HSD17B4: variants seen among roughly 807,000 people sequenced by gnomAD.
HSD17B4 encodes hydroxysteroid 17-beta dehydrogenase 4, also known as peroxisomal multifunctional enzyme type 2.
In HSD17B4, 70 loss-of-function variants were observed where a neutral mutation model predicts 101.0. That is an observed-to-expected ratio of 0.69 (90% CI 0.57 to 0.85). The LOEUF (loss-of-function observed/expected upper bound fraction) is 0.85, where lower values mean the gene tolerates loss of function less well. Among genes scored for constraint, HSD17B4 ranks in the 40% least tolerant of loss-of-function variants. The pLI is 0.00. For synonymous variants in HSD17B4, 347 were observed against 297.1 expected (o/e 1.17, Z -1.73); for missense variants, 984 against 892.4 (o/e 1.10, Z -1.31).
intron 16 of HSD17B4, among the ~76,000 whole-genome samples, chr5:119,510,230 T>G (rs1752048166): frequency 6.6e-6 from 1 of 152,196 alleles, no homozygotes; most frequent in South Asian, 2.1e-4. Context: ...GGAATATTTG[T>G]TATTTTCTTG....
intron 17 of HSD17B4, among the ~76,000 whole-genome samples, chr5:119,523,766 C>T (rs1457194148): frequency 2.0e-5 from 3 of 152,084 alleles, no homozygotes; most frequent in Admixed American, 6.6e-5. Flanking sequence ...TATTATTTAT[C>T]AAAGATAATA....
rs147582663 is a variant in HSD17B4, at chr5:119,470,518, C to T, written c.113-3390C>T. ...CAGGTTCCTATACTGAGCTCAGGGT[C>T]TGTGATTACAGGTATTTGTGATGGT... On this transcript the variant is annotated intron_variant, in intron 2 of 23. Coordinates refer to ENST00000510025, the MANE Select transcript of HSD17B4 (RefSeq NM_000414.4). 4.4e-4 allele frequency among the ~76,000 whole-genome samples: 67 copies of T among 152,316 alleles called. 1 individual carries two copies. The highest frequency in any genetic ancestry group is 1.6e-3 in the African/African-American group (65 of 41,578).
chr5:119,536,045 C>T, intron 22 of HSD17B4: 1 of 252,856 alleles, frequency 4.0e-6, no homozygotes, highest in Non-Finnish European at 7.7e-6. Flanking sequence ...TAAAAATCAA[C>T]AGTAAGATGC....
chr5:119,503,464 A>G (rs1426598224), intron 14 of HSD17B4, among the ~76,000 whole-genome samples: 1 of 152,116 alleles, frequency 6.6e-6, no homozygotes, highest in Non-Finnish European at 1.5e-5. Flanking sequence ...TTTACTGTGT[A>G]GTAAATGTGA....
chr5:119,457,879 A>G (rs1014531839), intron 2 of HSD17B4, among the ~76,000 whole-genome samples: 3 of 152,058 alleles, frequency 2.0e-5, no homozygotes, highest in Non-Finnish European at 2.9e-5. Context: ...GGTGTGTTTG[A>G]GATTGGTTGA....
At chr5:119,459,023 T>G (rs906360530) in intron 2 of HSD17B4, among the ~76,000 whole-genome samples, 3 of 152,200 alleles carry the variant, frequency 2.0e-5, no homozygotes, top group African/African-American at 7.2e-5. Flanking sequence ...AGTAACACCT[T>G]TGGGTAAATT....
chr5:119,529,107 C>T (rs1753840724), intron 20 of HSD17B4, among the ~76,000 whole-genome samples: 1 of 151,890 alleles, frequency 6.6e-6, no homozygotes, highest in Non-Finnish European at 1.5e-5. Flanking sequence ...GATCTTTTTT[C>T]CTCCAAAATA....
chr5:119,511,906 A>G (rs1292683942), intron 16 of HSD17B4, among the ~76,000 whole-genome samples: 1 of 152,242 alleles, frequency 6.6e-6, no homozygotes. Context: ...ACAAACAGGC[A>G]ACAGAAACTG....
chr5:119,474,853 ATTAC>A (rs1046979095), intron 4 of HSD17B4, among the ~76,000 whole-genome samples: 2 of 152,144 alleles, frequency 1.3e-5, no homozygotes, highest in Non-Finnish European at 2.9e-5. Context: ...TATCTTGCAA[ATTAC>A]TTAAGATGAT....
chr5:119,542,160 G>A lies in HSD17B4; in HGVS notation c.*166G>A. ...TTTTCATTTTCTACTAATTTTTCAT[G>A]TATCATTATTTTTACAAGGAACTAT... On this transcript the variant is annotated 3_prime_UTR_variant, in exon 24 of 24. Coordinates refer to ENST00000510025, the MANE Select transcript of HSD17B4 (RefSeq NM_000414.4). 1 of 612,296 alleles carries A rather than the reference G, an allele frequency of 1.6e-6. No individual in the cohort carries two copies. Among genetic ancestry groups the A allele is most frequent in the East Asian group, 3.0e-5 (1 of 32,894 alleles). 37.9% of individuals were successfully genotyped at this position (612,296 alleles called of 1,614,324 possible).
intron 2 of HSD17B4, among the ~76,000 whole-genome samples, chr5:119,458,308 A>G (rs1754873902): frequency 6.6e-6 from 1 of 151,060 alleles, no homozygotes; most frequent in African/African-American, 2.4e-5. Flanking sequence ...CATGTACACC[A>G]TAGACACCGT....
intron 8 of HSD17B4, among the ~76,000 whole-genome samples, chr5:119,484,917 A>G (rs974395890): frequency 3.3e-5 from 5 of 152,200 alleles, no homozygotes; most frequent in African/African-American, 1.2e-4. Flanking sequence ...AGTCGTGTCA[A>G]AGGAATTCTT....
chr5:119,478,999 G>C lies in HSD17B4; in HGVS notation c.600G>C (p.Met200Ile), dbSNP rs776060692. The C allele has an allele frequency of 6.2e-7, 1 of 1,613,478 alleles. No individual in the cohort carries two copies. The highest frequency in any genetic ancestry group is 1.1e-5 in the South Asian group (1 of 91,064). ...NTIAPNAGSR[M>I]TQTVMPEDLV... ...TTGCTCCTAATGCGGGATCACGGAT[G>C]ACTCAGACAGTTATGCCTGAAGGTA... Residue 200 changes from methionine to isoleucine, a missense_variant, in exon 8 of 24, where the codon ATG (methionine) becomes ATC (isoleucine). Physicochemically the swap from Met to Ile is conservative, Grantham distance 10. Coordinates refer to ENST00000510025, the MANE Select transcript of HSD17B4 (RefSeq NM_000414.4).
At chr5:119,470,323 A>C (rs1386295602) in intron 2 of HSD17B4, among the ~76,000 whole-genome samples, 1 of 151,732 alleles carries the variant, frequency 6.6e-6, no homozygotes, top group African/African-American at 2.4e-5. Flanking sequence ...GGCAGATGGC[A>C]CCCCTAGGAT....
intron 2 of HSD17B4, among the ~76,000 whole-genome samples, chr5:119,466,360 T>G (rs1373037315): frequency 4.6e-5 from 7 of 152,182 alleles, no homozygotes. Flanking sequence ...CCCCTTCAAT[T>G]TTTTGAAATA....
At chr5:119,460,010 A>G (rs566574814) in intron 2 of HSD17B4, among the ~76,000 whole-genome samples, 2 of 151,932 alleles carry the variant, frequency 1.3e-5, no homozygotes, top group South Asian at 4.2e-4. Flanking sequence ...AGCTGGGACT[A>G]CAGGTGCCTG....
chr5:119,516,961 G>T (rs1406800108), intron 17 of HSD17B4, among the ~76,000 whole-genome samples: 1 of 152,254 alleles, frequency 6.6e-6, no homozygotes, highest in African/African-American at 2.4e-5. Flanking sequence ...CACAGCCCTC[G>T]CTCGCTCTCG....
At chr5:119,456,527 T>C (rs1754686826) in intron 2 of HSD17B4, 159 bp downstream of exon 2, 3 of 631,776 alleles carry the variant, frequency 4.7e-6, no homozygotes, top group Non-Finnish European at 8.5e-6. Context: ...AGGCTGTCTG[T>C]CTAAATTACT....
chr5:119,452,635 T>A lies in HSD17B4; in HGVS notation c.58+2T>A. ...TACTGGTCACCGGCGCGGGGGCAGG[T>A]GAGCATGCGAAGGTTGGAGGCCGCG... On this transcript the variant is annotated splice_donor_variant, in intron 1 of 23. Transcript: ENST00000510025. LOFTEE classifies it high-confidence loss of function. 4.3e-6 allele frequency: 7 copies of A among 1,613,802 alleles called. No individual in the cohort carries two copies. Among genetic ancestry groups the A allele is most frequent in the Non-Finnish European group, 5.9e-6 (7 of 1,179,940 alleles).
Sources: allele counts gnomAD v4.1 joint callset (sites outside exome capture counted in the v4.1 genomes callset), GRCh38; gene constraint gnomAD v4.1.1; transcripts MANE v1.5; gene names NCBI Gene and HGNC (gene_info 2026-07-23, HGNC 2026-07-21).